NXPH1: variants seen among roughly 807,000 people sequenced by gnomAD.
NXPH1 encodes neurexophilin 1, also known as neurexophilin-1.
Under a neutral mutation model 23.7 loss-of-function variants are expected in NXPH1, and 5 were observed. That is an observed-to-expected ratio of 0.21 (90% confidence interval 0.11 to 0.44). The LOEUF (loss-of-function observed/expected upper bound fraction) is 0.44, where lower values mean the gene tolerates loss of function less well. NXPH1 is among the 20% of genes least tolerant of loss of function. NXPH1 has a pLI of 0.99. For missense variants in NXPH1, 324 were observed against 321.6 expected (o/e 1.01, Z -0.06); for synonymous variants, 144 against 122.2 (o/e 1.18, Z -1.18).
chr7:8,710,313 C>G (rs1291616357), intron 2 of NXPH1, among the ~76,000 whole-genome samples: 9 of 152,138 alleles, frequency 5.9e-5, no homozygotes, highest in Non-Finnish European at 1.0e-4. Context: ...GTTAAAATGT[C>G]TCCAGGCAGC....
chr7:8,593,991 T>A (rs1373037077), intron 2 of NXPH1, among the ~76,000 whole-genome samples: 1 of 152,048 alleles, frequency 6.6e-6, no homozygotes. Context: ...AAGTGGGTAG[T>A]TTTTCAAAAT....
intron 2 of NXPH1, among the ~76,000 whole-genome samples, chr7:8,623,364 A>G (rs1157765398): frequency 6.6e-6 from 1 of 152,232 alleles, no homozygotes; most frequent in Non-Finnish European, 1.5e-5. Flanking sequence ...CACAAGTTAA[A>G]GGGGGAAGAA....
chr7:8,520,411 C>T (rs188954913), intron 2 of NXPH1, among the ~76,000 whole-genome samples: 5 of 152,162 alleles, frequency 3.3e-5, no homozygotes, highest in Non-Finnish European at 5.9e-5. Flanking sequence ...AGAAGCCAGA[C>T]GGAAGGTGGC....
intron 2 of NXPH1, among the ~76,000 whole-genome samples, chr7:8,575,587 C>T (rs1359395779): frequency 6.6e-6 from 1 of 152,120 alleles, no homozygotes; most frequent in Non-Finnish European, 1.5e-5. Context: ...GCAGAAAGAA[C>T]ATAAGTTCTG....
At chr7:8,466,070 A>G (rs1816782135) in intron 2 of NXPH1, among the ~76,000 whole-genome samples, 1 of 152,328 alleles carries the variant, frequency 6.6e-6, no homozygotes, top group African/African-American at 2.4e-5. Flanking sequence ...AAAAATGTGA[A>G]GTAGTGTAAA....
chr7:8,619,066 G>T (rs1357300090), intron 2 of NXPH1, among the ~76,000 whole-genome samples: 1 of 152,152 alleles, frequency 6.6e-6, no homozygotes, highest in Admixed American at 6.6e-5. Flanking sequence ...TGACATTAAT[G>T]TGCTATTTTC....
rs553991663 is a variant in NXPH1, at chr7:8,587,732, G to A, written c.54+151965G>A. ...CTCCCACTTATGAGTGAGAACGTGC[G>A]GTGTTTGGATTTCTGTTCCTGTGTT... On this transcript the variant is annotated intron_variant, in intron 2 of 2. Coordinates refer to ENST00000405863, the MANE Select transcript of NXPH1 (RefSeq NM_152745.3). Among the ~76,000 whole-genome samples, 5 of 152,144 alleles carry A rather than the reference G, an allele frequency of 3.3e-5. No individual in the cohort carries two copies. The South Asian group carries it at 6.2e-4, about 19-fold the overall frequency.
intron 2 of NXPH1, among the ~76,000 whole-genome samples, chr7:8,680,966 A>G (rs1431017376): frequency 6.6e-6 from 1 of 152,248 alleles, no homozygotes; most frequent in East Asian, 1.9e-4. Context: ...TTAAGAGACT[A>G]TTGAACTAGA....
chr7:8,719,928 T>C (rs1477630769), intron 2 of NXPH1, among the ~76,000 whole-genome samples: 1 of 152,210 alleles, frequency 6.6e-6, no homozygotes, highest in Non-Finnish European at 1.5e-5. Flanking sequence ...AGGGGGATTC[T>C]ATCTCTAAAT....
intron 2 of NXPH1, among the ~76,000 whole-genome samples, chr7:8,628,371 T>TTTTTTTTTG (rs780226540): frequency 8.5e-5 from 5 of 58,702 alleles, no homozygotes; most frequent in Non-Finnish European, 1.7e-4. Context: ...TGCATAGGTG[T>TTTTTTTTTG]TTTTTTTTTT....
intron 2 of NXPH1, among the ~76,000 whole-genome samples, chr7:8,737,019 C>G (rs1000069969): frequency 2.6e-5 from 4 of 151,296 alleles, no homozygotes; most frequent in African/African-American, 9.7e-5. Flanking sequence ...TTTGAGCGTG[C>G]GTGTGTGTTT....
chr7:8,672,628 A>G (rs986861196), intron 2 of NXPH1, among the ~76,000 whole-genome samples: 6 of 152,200 alleles, frequency 3.9e-5, no homozygotes, highest in African/African-American at 1.4e-4. Flanking sequence ...GGTTGAGGCA[A>G]TTAATAAAAG....
chr7:8,732,960 G>T (rs567176948), intron 2 of NXPH1, among the ~76,000 whole-genome samples: 2 of 152,212 alleles, frequency 1.3e-5, no homozygotes, highest in South Asian at 2.1e-4. Flanking sequence ...CATGTGCCAT[G>T]GTGGTTTGCT....
intron 2 of NXPH1, among the ~76,000 whole-genome samples, chr7:8,562,035 T>A (rs1270137328): frequency 6.6e-6 from 1 of 151,716 alleles, no homozygotes; most frequent in Non-Finnish European, 1.5e-5. Flanking sequence ...ATTGAATATC[T>A]ATACTGTTCC....
At chr7:8,712,958 CT>C (rs1270459903) in intron 2 of NXPH1, among the ~76,000 whole-genome samples, 1 of 152,008 alleles carries the variant, frequency 6.6e-6, no homozygotes, top group Non-Finnish European at 1.5e-5. Context: ...ATATTGATAT[CT>C]TTCTCTAGGT....
intron 2 of NXPH1, among the ~76,000 whole-genome samples, chr7:8,580,798 C>G (rs1818852402): frequency 6.6e-6 from 1 of 151,870 alleles, no homozygotes; most frequent in Non-Finnish European, 1.5e-5. Flanking sequence ...GGCTTAAATT[C>G]CTTCCAGAGC....
intron 2 of NXPH1, among the ~76,000 whole-genome samples, chr7:8,715,102 G>A (rs1021752305): frequency 7.2e-5 from 11 of 152,156 alleles, no homozygotes; most frequent in Admixed American, 5.9e-4. Flanking sequence ...GGTGAGGCTT[G>A]CTGAAACTCA....
At chr7:8,680,565 A>G (rs1471098802) in intron 2 of NXPH1, among the ~76,000 whole-genome samples, 7 of 152,266 alleles carry the variant, frequency 4.6e-5, no homozygotes, top group Non-Finnish European at 7.3e-5. Context: ...AAAGCATTTT[A>G]AAATGAAACA....
At chr7:8,441,609 G>A (rs1816300466) in intron 2 of NXPH1, among the ~76,000 whole-genome samples, 1 of 152,190 alleles carries the variant, frequency 6.6e-6, no homozygotes, top group Non-Finnish European at 1.5e-5. Flanking sequence ...AATTTCCTGA[G>A]TTGGCTCTGT....
Sources: allele counts gnomAD v4.1 joint callset (sites outside exome capture counted in the v4.1 genomes callset), GRCh38; gene constraint gnomAD v4.1.1; transcripts MANE v1.5; gene names NCBI Gene and HGNC (gene_info 2026-07-23, HGNC 2026-07-21).